Variants in NETO1 observed in about 807,000 individuals in gnomAD.
NETO1 encodes the protein neuropilin and tolloid like 1.
NETO1 carries 26 observed loss-of-function variants against 61.3 expected under a neutral mutation model. The observed-to-expected ratio is 0.42, with a 90% CI of 0.31 to 0.59. The LOEUF is 0.59. Among genes scored for constraint, NETO1 ranks in the 20% least tolerant of loss-of-function variants. The probability of loss-of-function intolerance (pLI) is 0.12; values close to 1 mark genes in which losing one functional copy is unlikely to be tolerated. For synonymous variants in NETO1, 225 were observed against 225.8 expected (o/e 1.00, Z 0.03); for missense variants, 531 against 662.8 (o/e 0.80, Z 2.18).
chr18:72,791,105 C>T (rs1337038170), intron 6 of NETO1, among the ~76,000 whole-genome samples: 2 of 152,136 alleles, frequency 1.3e-5, no homozygotes, highest in Non-Finnish European at 2.9e-5. Context: ...CTTTCTGCCT[C>T]TGGTTTTCCG....
chr18:72,787,491 G>T (rs2071961362), intron 6 of NETO1, among the ~76,000 whole-genome samples: 1 of 152,072 alleles, frequency 6.6e-6, no homozygotes, highest in Non-Finnish European at 1.5e-5. Context: ...TGTTTCAGTG[G>T]CTCAAGGTGT....
At chr18:72,823,648 C>A (rs886117083) in intron 4 of NETO1, among the ~76,000 whole-genome samples, 1 of 152,124 alleles carries the variant, frequency 6.6e-6, no homozygotes, top group Non-Finnish European at 1.5e-5. Flanking sequence ...CCCTGACTCC[C>A]TGATTCTCCA....
At chr18:72,742,718 ATTG>A (rs970526456), downstream of NETO1, 4 of 152,158 alleles carry the variant, frequency 2.6e-5, no homozygotes, top group Non-Finnish European at 5.9e-5. Context: ...TTGATTCATC[ATTG>A]TTTATTGTGT....
intron 3 of NETO1, among the ~76,000 whole-genome samples, chr18:72,863,819 G>A (rs1243406392): frequency 2.6e-5 from 4 of 152,078 alleles, no homozygotes; most frequent in African/African-American, 7.2e-5. Flanking sequence ...TGTGTGGGGG[G>A]AAGGTGGGTG....
chr18:72,794,516 G>C (rs2072245845), intron 4 of NETO1, 112 bp from the exon 5 acceptor site: 1 of 1,016,938 alleles, frequency 9.8e-7, no homozygotes, highest in Non-Finnish European at 1.5e-6. Context: ...AACACATTAG[G>C]GAAAAGTAAA....
intron 6 of NETO1, among the ~76,000 whole-genome samples, chr18:72,786,004 G>A (rs1274864015): frequency 6.6e-6 from 1 of 152,112 alleles, no homozygotes; most frequent in Non-Finnish European, 1.5e-5. Flanking sequence ...TCGAAAAGCT[G>A]AATCAGTGGT....
intron 4 of NETO1, among the ~76,000 whole-genome samples, chr18:72,848,314 A>G (rs531112970): frequency 6.6e-6 from 1 of 152,192 alleles, no homozygotes; most frequent in Admixed American, 6.5e-5. Context: ...CACCCATCCC[A>G]TGTTGCCCAA....
intron 4 of NETO1, among the ~76,000 whole-genome samples, chr18:72,829,003 A>C (rs576490900): frequency 6.6e-6 from 1 of 152,348 alleles, no homozygotes; most frequent in South Asian, 2.1e-4. Flanking sequence ...ATTACCCCTT[A>C]ACAGTCTCAA....
intron 4 of NETO1, among the ~76,000 whole-genome samples, chr18:72,812,201 T>C (rs1599050852): frequency 6.6e-6 from 1 of 152,198 alleles, no homozygotes; most frequent in East Asian, 1.9e-4. Flanking sequence ...CACGAAAGAT[T>C]ATAAAGTGAC....
intron 4 of NETO1, among the ~76,000 whole-genome samples, chr18:72,800,272 G>A (rs949375370): frequency 4.6e-5 from 7 of 152,230 alleles, no homozygotes; most frequent in African/African-American, 1.2e-4. Flanking sequence ...GACTTTAAAC[G>A]TGTGTTTGAG....
At chr18:72,856,094 T>C (rs2074403933) in intron 4 of NETO1, among the ~76,000 whole-genome samples, 1 of 152,160 alleles carries the variant, frequency 6.6e-6, no homozygotes, top group Non-Finnish European at 1.5e-5. Context: ...GCTTGGCAAA[T>C]GTGATTCATT....
chr18:72,781,726 T>C (rs1444796555), intron 7 of NETO1, among the ~76,000 whole-genome samples: 1 of 152,208 alleles, frequency 6.6e-6, no homozygotes, highest in African/African-American at 2.4e-5. Context: ...CAGTATTGGC[T>C]CCTCTGCTGC....
At chr18:72,778,114 C>G (rs1206292619) in intron 7 of NETO1, among the ~76,000 whole-genome samples, 2 of 152,192 alleles carry the variant, frequency 1.3e-5, no homozygotes, top group East Asian at 1.9e-4. Flanking sequence ...GTTTGAGATA[C>G]GAGGTAGTGG....
intron 4 of NETO1, among the ~76,000 whole-genome samples, chr18:72,850,946 G>A (rs1045119848): frequency 3.3e-5 from 5 of 152,168 alleles, no homozygotes; most frequent in African/African-American, 9.7e-5. Flanking sequence ...CCTGCTCTGG[G>A]GAATCTGAAT....
intron 1 of NETO1, chr18:72,866,607 G>T: frequency 3.1e-6 from 2 of 653,376 alleles, no homozygotes; most frequent in Non-Finnish European, 3.8e-6. Context: ...TGCGTGGCCC[G>T]CGATCAACAC....
At chr18:72,809,517 G>A (rs1388529581) in intron 4 of NETO1, among the ~76,000 whole-genome samples, 3 of 152,120 alleles carry the variant, frequency 2.0e-5, no homozygotes, top group African/African-American at 7.2e-5. Flanking sequence ...TAATAGAGTG[G>A]ATATGGATTT....
intron 7 of NETO1, among the ~76,000 whole-genome samples, chr18:72,770,522 C>T (rs140003317): frequency 6.6e-6 from 1 of 152,128 alleles, no homozygotes; most frequent in East Asian, 1.9e-4. Flanking sequence ...ATATTTAAAT[C>T]TGCACCATCT....
chr18:72,808,510 C>G (rs2072757838), intron 4 of NETO1, among the ~76,000 whole-genome samples: 1 of 151,428 alleles, frequency 6.6e-6, no homozygotes, highest in Non-Finnish European at 1.5e-5. Context: ...TCTTCCATCC[C>G]AATTATGCCA....
chr18:72,755,403 T>C (rs775000481), intron 8 of NETO1, among the ~76,000 whole-genome samples: 1 of 152,130 alleles, frequency 6.6e-6, no homozygotes, highest in African/African-American at 2.4e-5. Flanking sequence ...CTGTTTAATA[T>C]TGGATCTCAG....
Sources: allele counts gnomAD v4.1 joint callset (sites outside exome capture counted in the v4.1 genomes callset), GRCh38; gene constraint gnomAD v4.1.1; transcripts MANE v1.5; gene names NCBI Gene and HGNC (gene_info 2026-07-23, HGNC 2026-07-21).